The following RFX4 variants were observed in gnomAD, a reference collection of about 807,000 sequenced individuals.
RFX4 encodes transcription factor RFX4.
In RFX4, 10 loss-of-function variants were observed where a neutral mutation model predicts 95.0. The ratio of observed to expected loss-of-function variants is 0.11; its 90% CI spans 0.06 to 0.18. The LOEUF (loss-of-function observed/expected upper bound fraction) is 0.18. RFX4 is among the 10% of genes least tolerant of loss of function. The probability of loss-of-function intolerance (pLI) is 1.00; values close to 1 mark genes in which losing one functional copy is unlikely to be tolerated. For missense variants in RFX4, 640 were observed against 922.0 expected (o/e 0.69, Z 3.96); for synonymous variants, 321 against 340.7 (o/e 0.94, Z 0.64).
At chr12:106,641,973 A>ATATCTG (rs2040637021) in intron 3 of RFX4, among the ~76,000 whole-genome samples, 4 of 108,460 alleles carry the variant, frequency 3.7e-5, no homozygotes, top group Non-Finnish European at 1.9e-5. Context: ...ATATCTATCT[A>ATATCTG]TATCTATATC....
intron 2 of RFX4, among the ~76,000 whole-genome samples, chr12:106,621,312 A>G (rs1474018905): frequency 1.3e-5 from 2 of 152,226 alleles, no homozygotes; most frequent in African/African-American, 4.8e-5. Flanking sequence ...ACTTCCCACA[A>G]CACAGCAAGT....
At chr12:106,741,939 C>T (rs544443489) in intron 15 of RFX4, among the ~76,000 whole-genome samples, 18 of 152,298 alleles carry the variant, frequency 1.2e-4, no homozygotes, top group African/African-American at 3.6e-4. Context: ...TCGAATGCTG[C>T]TTCTGATCTG....
chr12:106,608,855 A>T lies in RFX4; in HGVS notation c.102A>T (p.Thr34=). 6.2e-7 allele frequency: 1 copy of T among 1,611,306 alleles called. No homozygotes were observed. The highest frequency in any genetic ancestry group is 8.5e-7 in the Non-Finnish European group (1 of 1,179,370). The part of the protein sequence containing the change: ...ESENKRYSSH[T]SLGNVSNDEN... Reference sequence around the variant, plus strand: ...AAAACAAACGTTATTCCAGCCACACATCTCTGGGGAATGTTTCTAATGATG... The same window carrying T: ...AAAACAAACGTTATTCCAGCCACACTTCTCTGGGGAATGTTTCTAATGATG... Residue 34 remains threonine (T), a synonymous_variant, in exon 2 of 18, where the codon ACA becomes ACT. Coordinates refer to ENST00000392842, the MANE Select transcript of RFX4 (RefSeq NM_213594.3).
chr12:106,679,111 A>G (rs1053907347), intron 4 of RFX4, among the ~76,000 whole-genome samples: 1 of 152,246 alleles, frequency 6.6e-6, no homozygotes, highest in African/African-American at 2.4e-5. Context: ...CAGCCTTGAC[A>G]GCACTGAATA....
At chr12:106,647,934 G>A (rs1211563165) in intron 3 of RFX4, among the ~76,000 whole-genome samples, 1 of 152,104 alleles carries the variant, frequency 6.6e-6, no homozygotes, top group Non-Finnish European at 1.5e-5. Flanking sequence ...AGGATTCAAA[G>A]TCAGTGATCT....
chr12:106,604,115 CTTTTT>C (rs1163891542), intron 1 of RFX4, among the ~76,000 whole-genome samples: 1 of 112,808 alleles, frequency 8.9e-6, no homozygotes, highest in African/African-American at 3.6e-5. Context: ...GCTTCTCTCT[CTTTTT>C]TTTTTTTTTT....
intron 2 of RFX4, among the ~76,000 whole-genome samples, chr12:106,614,613 A>C (rs2040034998): frequency 6.6e-6 from 1 of 150,454 alleles, no homozygotes; most frequent in Non-Finnish European, 1.5e-5. Context: ...GGTTCACGCC[A>C]TTCTCCTGCC....
intron 10 of RFX4, among the ~76,000 whole-genome samples, chr12:106,714,068 C>CAAAAAAAAAAAA (rs58283896): frequency 0.047 from 1,432 of 30,510 alleles, 259 homozygotes; most frequent in South Asian, 0.067. Context: ...AACTCCATCT[C>CAAAAAAAAAAAA]AAAAAAAAAA....
chr12:106,666,060 C>G (rs2041171458), intron 4 of RFX4, among the ~76,000 whole-genome samples: 1 of 151,968 alleles, frequency 6.6e-6, no homozygotes, highest in African/African-American at 2.4e-5. Context: ...TCTTGCAAGT[C>G]AGGTTTACTG....
chr12:106,719,015 G>A (rs976216275), intron 11 of RFX4, among the ~76,000 whole-genome samples: 55 of 152,056 alleles, frequency 3.6e-4, no homozygotes, highest in African/African-American at 1.0e-3. Flanking sequence ...CCAGCTACTC[G>A]GGAGGCTGAG....
At chr12:106,730,757 T>G (rs2137557423) in intron 13 of RFX4, among the ~76,000 whole-genome samples, 1 of 152,296 alleles carries the variant, frequency 6.6e-6, no homozygotes, top group Middle Eastern at 3.4e-3. Flanking sequence ...TCCCAGCACC[T>G]TGGGAGGCCG....
At chr12:106,722,792 A>C (rs1324013870) in intron 13 of RFX4, among the ~76,000 whole-genome samples, 2 of 152,140 alleles carry the variant, frequency 1.3e-5, no homozygotes, top group Admixed American at 1.3e-4. Flanking sequence ...GGTGACAGGC[A>C]AGTTAAAAGA....
At chr12:106,718,333 T>G (rs562304248) in intron 11 of RFX4, among the ~76,000 whole-genome samples, 1 of 152,328 alleles carries the variant, frequency 6.6e-6, no homozygotes, top group East Asian at 1.9e-4. Context: ...GCCACATGCT[T>G]GGTACACAGT....
At chr12:106,725,185 C>T (rs1016630332) in intron 13 of RFX4, among the ~76,000 whole-genome samples, 1 of 152,106 alleles carries the variant, frequency 6.6e-6, no homozygotes, top group Non-Finnish European at 1.5e-5. Flanking sequence ...CACAGTTCCA[C>T]GTGCAAGTGC....
intron 2 of RFX4, among the ~76,000 whole-genome samples, chr12:106,622,699 C>T (rs376357650): frequency 6.6e-6 from 1 of 151,110 alleles, no homozygotes; most frequent in East Asian, 1.9e-4. Context: ...CAGCTCACTG[C>T]AACCTCTGCC....
At chr12:106,603,412 C>A (rs188494707) in intron 1 of RFX4, among the ~76,000 whole-genome samples, 26 of 152,324 alleles carry the variant, frequency 1.7e-4, no homozygotes, top group African/African-American at 5.1e-4. Flanking sequence ...AATCTTCAGT[C>A]CAAAGTGCAG....
chr12:106,694,201 C>T (rs768534300), intron 7 of RFX4, among the ~76,000 whole-genome samples: 3 of 152,206 alleles, frequency 2.0e-5, no homozygotes, highest in Admixed American at 6.5e-5. Flanking sequence ...ATCATGTTTT[C>T]GGCAATCACC....
At chr12:106,730,970 A>G (rs904156369) in intron 13 of RFX4, among the ~76,000 whole-genome samples, 12 of 152,232 alleles carry the variant, frequency 7.9e-5, no homozygotes, top group African/African-American at 2.4e-4. Context: ...AATGCACTCC[A>G]GCCTGGGCAA....
At chr12:106,630,517 G>A (rs2040397673) in intron 2 of RFX4, among the ~76,000 whole-genome samples, 1 of 152,212 alleles carries the variant, frequency 6.6e-6, no homozygotes, top group Non-Finnish European at 1.5e-5. Flanking sequence ...CTGGGTGCCA[G>A]TCACCCTGCT....
Sources: allele counts gnomAD v4.1 joint callset (sites outside exome capture counted in the v4.1 genomes callset), GRCh38; gene constraint gnomAD v4.1.1; transcripts MANE v1.5; gene names NCBI Gene and HGNC (gene_info 2026-07-23, HGNC 2026-07-21).